SLCO4C1: variants seen among roughly 807,000 people sequenced by gnomAD.
The protein encoded by SLCO4C1 is organic anion transporter M1.
SLCO4C1 carries 58 observed loss-of-function variants against 72.1 expected under a neutral mutation model. The ratio of observed to expected loss-of-function variants is 0.80; its 90% confidence interval spans 0.65 to 1.00. The LOEUF (loss-of-function observed/expected upper bound fraction) is 1.00. SLCO4C1 is among the 50% of genes least tolerant of loss of function. The pLI is 0.00. For missense variants in SLCO4C1, 898 were observed against 857.9 expected (o/e 1.05, Z -0.58); for synonymous variants, 297 against 312.5 (o/e 0.95, Z 0.52).
intron 2 of SLCO4C1, among the ~76,000 whole-genome samples, chr5:102,273,235 G>A (rs1489442156): frequency 6.6e-6 from 1 of 151,566 alleles, no homozygotes; most frequent in African/African-American, 2.4e-5. Flanking sequence ...TCAGACAAAG[G>A]CAATCAAACA....
At chr5:102,241,550 T>C (rs1748539709) in intron 10 of SLCO4C1, among the ~76,000 whole-genome samples, 3 of 151,292 alleles carry the variant, frequency 2.0e-5, no homozygotes, top group African/African-American at 7.3e-5. Flanking sequence ...AGAGGTAAAA[T>C]ACTTGTACAC....
At chr5:102,240,646 A>C in intron 11 of SLCO4C1, 72 bp downstream of exon 11, 1 of 1,271,672 alleles carries the variant, frequency 7.9e-7, no homozygotes, top group Admixed American at 2.0e-5. Context: ...ACAGGCCATA[A>C]ATTAAAAAAT....
chr5:102,271,136 C>A (rs1335763021), intron 2 of SLCO4C1, among the ~76,000 whole-genome samples: 1 of 151,934 alleles, frequency 6.6e-6, no homozygotes, highest in East Asian at 1.9e-4. Flanking sequence ...CAATTATAGT[C>A]ATAATAAAAC....
chr5:102,241,951 T>C (rs747499551), intron 10 of SLCO4C1, among the ~76,000 whole-genome samples: 1 of 150,530 alleles, frequency 6.6e-6, no homozygotes, highest in Non-Finnish European at 1.5e-5. Context: ...CTGAAGAGAT[T>C]AAAAAAAAAC....
chr5:102,252,999 G>A (rs1296390026), intron 8 of SLCO4C1, among the ~76,000 whole-genome samples: 1 of 151,998 alleles, frequency 6.6e-6, no homozygotes, highest in Non-Finnish European at 1.5e-5. Flanking sequence ...CTATAATTAT[G>A]CCTCTATAAC....
At position 102,256,198 on chromosome 5, in the gene SLCO4C1, T is replaced by C. The variant is rs919178817; in HGVS notation, c.1469+917A>G. 3.3e-5 allele frequency among the ~76,000 whole-genome samples: 5 copies of C among 152,092 alleles called. 1 individual carries two copies. The East Asian group carries it at 5.8e-4, about 18-fold the overall frequency. On this transcript the variant is annotated intron_variant, in intron 8 of 12. Transcript: ENST00000310954. ...CAGCCTGGGTGACAGAGCAAGACTC[T>C]CTGTCTAAAAAAAACAAAAAAAGAA...
At chr5:102,243,638 G>A (rs577569014) in intron 10 of SLCO4C1, among the ~76,000 whole-genome samples, 3 of 152,286 alleles carry the variant, frequency 2.0e-5, no homozygotes, top group African/African-American at 7.2e-5. Context: ...AATAAACCCA[G>A]ACAATGAAGA....
At chr5:102,258,319 G>A (rs759349851) in intron 6 of SLCO4C1, among the ~76,000 whole-genome samples, 61 of 152,124 alleles carry the variant, frequency 4.0e-4, no homozygotes, top group Non-Finnish European at 8.4e-4. Flanking sequence ...TCAACATGGT[G>A]GTTATGCATT....
At chr5:102,263,556 T>G in intron 4 of SLCO4C1, 128 bp downstream of exon 4, 2 of 660,676 alleles carry the variant, frequency 3.0e-6, no homozygotes, top group Non-Finnish European at 5.0e-6. Context: ...TTCTTTGTAT[T>G]CAATTTTGTT....
In SLCO4C1 at chr5:102,236,585, T is replaced by C. The variant is rs1051674128; in HGVS notation, c.*273A>G. 103 of 228,630 alleles carry C rather than the reference T, an allele frequency of 4.5e-4. No individual in the cohort carries two copies. Among genetic ancestry groups the C allele is most frequent in the South Asian group, 7.5e-4 (14 of 18,624 alleles). 14.2% of individuals were successfully genotyped at this position (228,630 alleles called of 1,614,324 possible). A position where few individuals can be genotyped will look rare whatever the true frequency, so the allele number is the denominator to read the frequency against. The stretch of plus-strand genomic sequence containing the variant: ...GGAAATAAGTGTGTATGTGTGCGTG[T>C]GTGTGTGTGTGTGTGTGTTCGTGTG... On this transcript the variant is annotated 3_prime_UTR_variant, in exon 13 of 13. Transcript: ENST00000310954.
At chr5:102,265,166 T>C (rs1167803593) in intron 3 of SLCO4C1, among the ~76,000 whole-genome samples, 1 of 152,118 alleles carries the variant, frequency 6.6e-6, no homozygotes, top group African/African-American at 2.4e-5. Flanking sequence ...ATTAGATTAT[T>C]TGGACATTTT....
chr5:102,243,756 G>T (rs1273074193), intron 10 of SLCO4C1, among the ~76,000 whole-genome samples: 1 of 152,094 alleles, frequency 6.6e-6, no homozygotes, highest in Non-Finnish European at 1.5e-5. Flanking sequence ...TGGCACCAGA[G>T]ACCAATCTGA....
chr5:102,259,971 A>G (rs1460106915), intron 6 of SLCO4C1, among the ~76,000 whole-genome samples: 1 of 152,046 alleles, frequency 6.6e-6, no homozygotes, highest in Non-Finnish European at 1.5e-5. Context: ...GTAGTAAACA[A>G]GCAAACAAAA....
At chr5:102,268,020 C>A (rs1264490680) in intron 3 of SLCO4C1, among the ~76,000 whole-genome samples, 2 of 151,978 alleles carry the variant, frequency 1.3e-5, no homozygotes, top group Non-Finnish European at 2.9e-5. Flanking sequence ...ATGGTCTACC[C>A]TGGAGAATGT....
chr5:102,247,406 C>G lies in SLCO4C1; in HGVS notation c.1657G>C (p.Glu553Gln), dbSNP rs80131933. 6.3e-7 allele frequency: 1 copy of G among 1,586,466 alleles called. No individual in the cohort carries two copies. ...AAAGTTTCTGCAGTGGATGTTATTT[C>G]TGTTTTCCTTTCAATACAGGAACAG... ...YNCSCIERKT[E>Q]ITSTAETFGF... The change falls in exon 10 of 13, where the codon GAA (glutamate) becomes CAA (glutamine). Residue 553 changes from glutamate (E) to glutamine (Q), a missense_variant. Physicochemically the swap from Glu to Gln is conservative, Grantham distance 29 (BLOSUM62 2). Coordinates refer to ENST00000310954, the MANE Select transcript of SLCO4C1 (RefSeq NM_180991.5).
intron 10 of SLCO4C1, among the ~76,000 whole-genome samples, chr5:102,245,026 C>T (rs554844765): frequency 8.5e-5 from 13 of 152,158 alleles, no homozygotes; most frequent in African/African-American, 3.1e-4. Context: ...GTAAACTACC[C>T]TTATCCTAAG....
chr5:102,243,286 G>A (rs541046290), intron 10 of SLCO4C1, among the ~76,000 whole-genome samples: 4 of 152,294 alleles, frequency 2.6e-5, no homozygotes, highest in Non-Finnish European at 5.9e-5. Context: ...CCACCCAAGC[G>A]AAGGACACAA....
intron 5 of SLCO4C1, among the ~76,000 whole-genome samples, chr5:102,260,599 C>T (rs2112360411): frequency 6.6e-6 from 1 of 151,838 alleles, no homozygotes; most frequent in Admixed American, 6.6e-5. Flanking sequence ...TAAGGAAGTT[C>T]CAACCAGTCT....
intron 10 of SLCO4C1, among the ~76,000 whole-genome samples, chr5:102,242,837 G>A (rs1360739304): frequency 6.6e-6 from 1 of 152,096 alleles, no homozygotes; most frequent in Admixed American, 6.5e-5. Context: ...AAAAGTAAAG[G>A]GGACTTTGTC....
Sources: allele counts gnomAD v4.1 joint callset (sites outside exome capture counted in the v4.1 genomes callset), GRCh38; gene constraint gnomAD v4.1.1; transcripts MANE v1.5; gene names NCBI Gene and HGNC (gene_info 2026-07-23, HGNC 2026-07-21).